CCDC27: variants seen among roughly 807,000 people sequenced by gnomAD.
The protein encoded by CCDC27 is coiled-coil domain-containing protein 27.
In CCDC27, 80 loss-of-function variants were observed where a neutral mutation model predicts 80.3. The observed-to-expected ratio is 1.00, with a 90% CI of 0.83 to 1.20. The LOEUF (loss-of-function observed/expected upper bound fraction) is 1.20. Among genes scored for constraint, CCDC27 ranks in the 50% most tolerant of loss-of-function variants. The pLI is 0.00. For synonymous variants in CCDC27, 342 were observed against 334.3 expected (o/e 1.02, Z -0.25); for missense variants, 815 against 809.4 (o/e 1.01, Z -0.08).
In CCDC27 at chr1:3,761,388, G is replaced by C. The variant is rs759069493; in HGVS notation, c.819G>C (p.Leu273=). The stretch of plus-strand genomic sequence containing the variant: ...TGAAGATGCAGCTGAAATGCCTTCT[G>C]AAAGGCAAAGGCCAAGAGACATCCA... ...EALKMQLKCL[L]KGKGQETSMS... The change falls in exon 5 of 12, where the codon CTG becomes CTC. Residue 273 remains leucine (L), a synonymous_variant. Transcript: ENST00000294600. This position sits in a 1 kb window ranked among gnomAD's most constrained non-coding sequence, Gnocchi z 5.0. The C allele has an allele frequency of 1.2e-6, 2 of 1,614,110 alleles. No homozygotes were observed. Among genetic ancestry groups the C allele is most frequent in the Non-Finnish European group, 1.7e-6 (2 of 1,180,020 alleles).
intron 11 of CCDC27, among the ~76,000 whole-genome samples, chr1:3,770,898 C>G (rs1036444632): frequency 6.6e-6 from 1 of 152,166 alleles, no homozygotes; most frequent in Non-Finnish European, 1.5e-5. Context: ...AGCACCTTTG[C>G]TTGCTTGCCA....
At chr1:3,770,405 C>A (rs1040781726) in intron 11 of CCDC27, among the ~76,000 whole-genome samples, 1 of 152,204 alleles carries the variant, frequency 6.6e-6, no homozygotes, top group Admixed American at 6.5e-5. Context: ...CTTGGGGTCA[C>A]TGGGCATGAG....
rs1369013603 is a variant in CCDC27 at position 3,754,247 on chromosome 1, AG to A, written c.442+7del. The stretch of plus-strand genomic sequence containing the variant: ...CACATCCATGTCCCACTGTGGTAAG[AG>A]CCCCCCACCAGGACCGCCTGTGAAA... On this transcript the variant is annotated splice_region_variant and intron_variant, in intron 2 of 11. Transcript: ENST00000294600. 1 of 1,583,436 alleles carries A rather than the reference AG, an allele frequency of 6.3e-7. No homozygotes were observed. Among genetic ancestry groups the A allele is most frequent in the East Asian group, 2.4e-5 (1 of 42,296 alleles).
intron 2 of CCDC27, among the ~76,000 whole-genome samples, chr1:3,754,667 G>T (rs1377694121): frequency 6.6e-6 from 1 of 152,164 alleles, no homozygotes; most frequent in Non-Finnish European, 1.5e-5. Context: ...GATGAGAACA[G>T]GAGGCTTGGA....
chr1:3,757,052 A>G, intron 4 of CCDC27, 162 bp downstream of exon 4: 1 of 780,248 alleles, frequency 1.3e-6, no homozygotes, highest in African/African-American at 1.8e-5. Flanking sequence ...CTGCTTTGAC[A>G]AAGCTCCTCA....
In CCDC27 at chr1:3,761,179, C is replaced by T. The variant is rs1046349810; in HGVS notation, c.712-102C>T. 3 of 1,420,884 alleles carry T rather than the reference C, an allele frequency of 2.1e-6. No homozygotes were observed. In the African/African-American group the frequency reaches 4.3e-5, roughly 20 times the overall value. 88.0% of individuals were successfully genotyped at this position (1,420,884 alleles called of 1,614,324 possible). A position where few individuals can be genotyped will look rare whatever the true frequency, so the allele number is the denominator to read the frequency against. ...CCTGGGACCCTGGGGTTTTGGGGTA[C>T]CACGACAGCAGATCTGCTCCTCCTG... On this transcript the variant is annotated intron_variant, in intron 4 of 11. Coordinates refer to ENST00000294600, the MANE Select transcript of CCDC27 (RefSeq NM_152492.3). This position sits in a 1 kb window ranked among gnomAD's most constrained non-coding sequence, Gnocchi z 5.0.
In CCDC27 at chr1:3,763,612, G is replaced by A; in HGVS notation, c.1322-94G>A. 1 of 1,578,714 alleles carries A rather than the reference G, an allele frequency of 6.3e-7. No individual in the cohort carries two copies. ...GTCGGCAGCCTCACCCAGGCTGGCAGAGCCCTCCCAGCTGCCGCAGTGGCC... is the reference window on the plus strand; with the variant it reads ...GTCGGCAGCCTCACCCAGGCTGGCAAAGCCCTCCCAGCTGCCGCAGTGGCC... On this transcript the variant is annotated intron_variant, in intron 7 of 11. Transcript: ENST00000294600. This position sits in a 1 kb window ranked among gnomAD's most constrained non-coding sequence, Gnocchi z 7.5.
intron 4 of CCDC27, among the ~76,000 whole-genome samples, chr1:3,759,565 C>T (rs924994838): frequency 6.6e-6 from 1 of 152,170 alleles, no homozygotes; most frequent in African/African-American, 2.4e-5. Flanking sequence ...TCTTTCTCTG[C>T]ATTCTTTTGA....
chr1:3,757,336 A>G (rs1642982344), intron 4 of CCDC27: 1 of 152,360 alleles, frequency 6.6e-6, no homozygotes, highest in African/African-American at 2.4e-5. Context: ...AAATTTTAGT[A>G]TCAAAGTTAC....
Position 3,763,221 on chromosome 1 carries a change from G to A in CCDC27, c.1068G>A (p.Trp356Ter). The A allele has an allele frequency of 1.3e-6, 2 of 1,543,830 alleles. No individual in the cohort carries two copies. The highest frequency in any genetic ancestry group is 1.8e-6 in the Non-Finnish European group (2 of 1,141,828). Residue 356 changes from tryptophan (W) to a stop codon, truncating the protein, a stop_gained, in exon 7 of 12, where the codon TGG becomes TGA. Coordinates refer to ENST00000294600, the MANE Select transcript of CCDC27 (RefSeq NM_152492.3). LOFTEE classifies it high-confidence loss of function. The surrounding 1 kb of genome is among the most constrained non-coding windows in gnomAD (Gnocchi z 7.5). ...ATGGGGTGGAGGACACGGGTGCCTGGGGAGGTGTGAGCCAGATGGGATCCG... is the reference window on the plus strand; with the variant it reads ...ATGGGGTGGAGGACACGGGTGCCTGAGGAGGTGTGAGCCAGATGGGATCCG... ...EPDGVEDTGA[W>*]GGVSQMGSVH...
At chr1:3,762,452 G>T (rs1255333002) in intron 5 of CCDC27, among the ~76,000 whole-genome samples, 168 bp from the exon 6 acceptor site, 1 of 152,162 alleles carries the variant, frequency 6.6e-6, no homozygotes. Flanking sequence ...GCAGGTTCCT[G>T]TGCCCTCCAC....
At chr1:3,756,922 C>G (rs767954218) in intron 4 of CCDC27, 32 bp downstream of exon 4, 1 of 1,595,936 alleles carries the variant, frequency 6.3e-7, no homozygotes, top group South Asian at 1.1e-5. Flanking sequence ...ATCCCGGCCC[C>G]CCACCCCTCT....
At position 3,766,765 on chromosome 1, in the gene CCDC27, G is replaced by A. The variant is rs151132387; in HGVS notation, c.1530+153G>A. Among the ~76,000 whole-genome samples, 5 of 151,422 alleles carry A rather than the reference G, an allele frequency of 3.3e-5. No individual in the cohort carries two copies. The highest frequency in any genetic ancestry group is 1.9e-4 in the East Asian group (1 of 5,138). ...CACTCGACAGATCTCTGCACCCCAC[G>A]TCCACACAGAAGGCTCCTCGCAATT... is the stretch of plus-strand genomic sequence containing the variant. On this transcript the variant is annotated intron_variant, in intron 9 of 11. Transcript: ENST00000294600. The surrounding 1 kb of genome is among the most constrained non-coding windows in gnomAD (Gnocchi z 6.1).
chr1:3,754,534 G>A (rs1557619529), intron 2 of CCDC27, among the ~76,000 whole-genome samples: 2 of 152,174 alleles, frequency 1.3e-5, no homozygotes, highest in African/African-American at 2.4e-5. Context: ...GGGGCTAGGG[G>A]AGTGGAAATG....
rs778470156 is a variant in CCDC27, at chr1:3,756,771, G to A, written c.592G>A (p.Asp198Asn). 1.3e-5 allele frequency: 21 copies of A among 1,613,946 alleles called. No individual in the cohort carries two copies. Among genetic ancestry groups the A allele is most frequent in the South Asian group, 3.3e-5 (3 of 91,054 alleles). Residue 198 changes from aspartate (D) to asparagine (N), a missense_variant, in exon 4 of 12, where the codon GAT (aspartate) becomes AAT (asparagine). By Grantham distance (23) the Asp-to-Asn change is conservative. Transcript: ENST00000294600. ...CTTCAGTAAGAGCATCTGCGAGTTC[G>A]ATTACTTGCGGAAGAGGAGAAAATC... ...LPFSKSICEF[D>N]YLRKRRKSQT...
In CCDC27 at chr1:3,755,580, C is replaced by G; in HGVS notation, c.553+13C>G. The G allele has an allele frequency of 6.2e-7, 1 of 1,606,732 alleles. No homozygotes were observed. The highest frequency in any genetic ancestry group is 8.5e-7 in the Non-Finnish European group (1 of 1,173,856). The stretch of plus-strand genomic sequence containing the variant: ...ACGAACGTGGACGGTGAGGGAGCCC[C>G]TAGGGCCTCTGCCTGCACCTGCTGG... On this transcript the variant is annotated intron_variant, in intron 3 of 11. Coordinates refer to ENST00000294600, the MANE Select transcript of CCDC27 (RefSeq NM_152492.3).
intron 8 of CCDC27, among the ~76,000 whole-genome samples, chr1:3,764,806 C>T (rs1327522871): frequency 1.3e-5 from 2 of 152,130 alleles, no homozygotes; most frequent in Non-Finnish European, 2.9e-5. Context: ...GAGGCTGAGG[C>T]AGGTGGATCA....
Position 3,768,073 on chromosome 1 carries a change from C to A in CCDC27, c.1743+628C>A, listed in dbSNP as rs971812751. Among the ~76,000 whole-genome samples the A allele has an allele frequency of 9.9e-4, 142 of 143,922 alleles. No individual in the cohort carries two copies. The highest frequency in any genetic ancestry group is 3.2e-3 in the African/African-American group (123 of 38,842). 94.4% of individuals were successfully genotyped at this position (143,922 alleles called of 152,430 possible). On this transcript the variant is annotated intron_variant, in intron 10 of 11. Coordinates refer to ENST00000294600, the MANE Select transcript of CCDC27 (RefSeq NM_152492.3). The surrounding 1 kb of genome is among the most constrained non-coding windows in gnomAD (Gnocchi z 5.6). Reference sequence around the variant, plus strand: ...GAGGGCCCCATGCCAAAAAGGAAATCAATAAAGAGCTGACCTTTTTTTTTT... The same window carrying A: ...GAGGGCCCCATGCCAAAAAGGAAATAAATAAAGAGCTGACCTTTTTTTTTT...
At chr1:3,758,785 C>T (rs1351601688) in intron 4 of CCDC27, among the ~76,000 whole-genome samples, 4 of 151,804 alleles carry the variant, frequency 2.6e-5, no homozygotes, top group South Asian at 2.1e-4. Context: ...TTTGTGGAGA[C>T]GAGGTTTCTC....
Sources: gnomAD v4.1 joint callset for allele counts (sites outside exome capture counted in the v4.1 genomes callset) on GRCh38, gnomAD v4.1.1 for gene constraint, Gnocchi (gnomAD v3.1) non-coding constraint, MANE v1.5 for transcripts, NCBI Gene and HGNC (gene_info 2026-07-23, HGNC 2026-07-21) for gene names.